MERTK: variants seen among roughly 807,000 people sequenced by gnomAD.
MERTK encodes MER proto-oncogene, tyrosine kinase, also known as tyrosine-protein kinase Mer.
A neutral mutation model predicts 99.3 loss-of-function variants in MERTK; 69 were observed. That is an observed-to-expected ratio of 0.70 (90% confidence interval 0.57 to 0.85). MERTK has a LOEUF of 0.85. Ranked by LOEUF, MERTK falls within the 40% of genes least tolerant of loss-of-function variation. The pLI is 0.00. For synonymous variants in MERTK, 426 were observed against 467.6 expected, an observed-to-expected ratio of 0.91 and a Z score of 1.15; for missense variants, 1,125 against 1,249.4, an observed-to-expected ratio of 0.90 and a Z score of 1.50.
rs532437339 is a variant in MERTK at position 111,930,604 on chromosome 2, G to A, written c.482+1064G>A. The stretch of plus-strand genomic sequence containing the variant: ...GTGCACCGTGGGGCAGGAAGAGATG[G>A]AAAGTCTGTCTCTGGAAATGAGACA... On this transcript the variant is annotated intron_variant, in intron 2 of 18. Transcript: ENST00000295408. The A allele has an allele frequency of 2.0e-5, 3 of 152,372 alleles. No individual in the cohort carries two copies. In the East Asian group the frequency reaches 5.8e-4, roughly 29 times the overall value. 9.4% of individuals were successfully genotyped at this position (152,372 alleles called of 1,614,324 possible).
rs11464692 is a variant in MERTK, at chr2:111,904,379, C to CTT, written c.61+5596_61+5597dup. ...TTTGAGTGTGAACATCCAGAAAATT[C>CTT]TTTTTTTTTTTTTTGAGATGGAATC... On this transcript the variant is annotated intron_variant, in intron 1 of 18. Transcript: ENST00000295408. 2.2e-3 allele frequency among the ~76,000 whole-genome samples: 318 copies of CTT among 144,246 alleles called. 5 individuals carry two copies. In the South Asian group the frequency reaches 0.028, roughly 13 times the overall value. 94.6% of individuals were successfully genotyped at this position (144,246 alleles called of 152,430 possible). A position where few individuals can be genotyped will look rare whatever the true frequency, so the allele number is the denominator to read the frequency against.
chr2:112,002,389 G>A (rs779538935), intron 11 of MERTK, among the ~76,000 whole-genome samples: 2 of 152,104 alleles, frequency 1.3e-5, no homozygotes, highest in East Asian at 1.9e-4. Flanking sequence ...GGTAGGGGAC[G>A]TGTGGTTCTT....
chr2:111,968,107 ATGTG>A (rs113538397), intron 5 of MERTK, 26 bp from the exon 6 acceptor site: 4 of 1,258,014 alleles, frequency 3.2e-6, no homozygotes, highest in Non-Finnish European at 4.6e-6. Flanking sequence ...TTGTGTGTGT[ATGTG>A]TGTGTGTGTG....
intron 8 of MERTK, among the ~76,000 whole-genome samples, chr2:111,989,500 C>T (rs1024664107): frequency 6.6e-6 from 1 of 151,964 alleles, no homozygotes; most frequent in African/African-American, 2.4e-5. Context: ...GGACTACAGG[C>T]GCCCGCCACC....
intron 4 of MERTK, chr2:111,952,099 A>T (rs1215046348): frequency 6.6e-6 from 1 of 152,086 alleles, no homozygotes; most frequent in African/African-American, 2.4e-5. Context: ...TACAACGACC[A>T]CCTATTTTGC....
chr2:111,973,596 C>G (rs2271701), intron 6 of MERTK, among the ~76,000 whole-genome samples: 35,078 of 152,092 alleles, frequency 0.23, 4,356 homozygotes, highest in Middle Eastern at 0.36. Context: ...AACTGCAAGC[C>G]CATTATTAAC....
intron 8 of MERTK, 97 bp from the exon 9 acceptor site, chr2:111,994,154 G>A (rs569885705): frequency 3.2e-5 from 45 of 1,413,896 alleles, no homozygotes; most frequent in South Asian, 2.5e-4. Flanking sequence ...GGCCTCGGAC[G>A]TGGGCGGGAT....
At chr2:111,964,508 C>G (rs1433708693) in intron 4 of MERTK, among the ~76,000 whole-genome samples, 1 of 152,170 alleles carries the variant, frequency 6.6e-6, no homozygotes, top group African/African-American at 2.4e-5. Context: ...AGCCATTTCT[C>G]CAAGGAGCCC....
In MERTK at chr2:111,988,226, C is replaced by G. The variant is rs188431885; in HGVS notation, c.1296+5233C>G. On this transcript the variant is annotated intron_variant, in intron 8 of 18. Coordinates refer to ENST00000295408, the MANE Select transcript of MERTK (RefSeq NM_006343.3). ...ACCGCCTCTTCCTGTCTCCTTTTCT[C>G]CCTCTTTCTCACTGTCAAAGGAGAG... is the stretch of plus-strand genomic sequence containing the variant. Among the ~76,000 whole-genome samples, 435 of 152,260 alleles carry G rather than the reference C, an allele frequency of 2.9e-3. 3 individuals are homozygous for G. Among genetic ancestry groups the G allele is most frequent in the African/African-American group, 6.3e-3 (263 of 41,544 alleles).
At chr2:111,957,464 A>AC (rs537576450) in intron 4 of MERTK, among the ~76,000 whole-genome samples, 52 of 151,076 alleles carry the variant, frequency 3.4e-4, no homozygotes, top group East Asian at 1.8e-3. Context: ...CACCTCTGAT[A>AC]CCCCCCCGCC....
intron 4 of MERTK, among the ~76,000 whole-genome samples, chr2:111,958,647 G>A (rs1443130108): frequency 6.6e-6 from 1 of 152,082 alleles, no homozygotes; most frequent in East Asian, 1.9e-4. Context: ...TAGGACATTT[G>A]CTATAGATTG....
chr2:111,914,413 G>T (rs1382275517), intron 1 of MERTK, among the ~76,000 whole-genome samples: 1 of 152,152 alleles, frequency 6.6e-6, no homozygotes, highest in Non-Finnish European at 1.5e-5. Context: ...AAGTAGCTGG[G>T]ACTGCAGGTG....
intron 4 of MERTK, among the ~76,000 whole-genome samples, 169 bp downstream of exon 4, chr2:111,947,736 G>A (rs959558361): frequency 1.7e-4 from 26 of 152,302 alleles, no homozygotes; most frequent in African/African-American, 6.0e-4. Flanking sequence ...GGAATCACAG[G>A]TGTGAGAATT....
intron 8 of MERTK, among the ~76,000 whole-genome samples, chr2:111,985,975 T>C (rs1172521735): frequency 6.6e-6 from 1 of 152,174 alleles, no homozygotes; most frequent in Non-Finnish European, 1.5e-5. Flanking sequence ...TGCTCAAGCT[T>C]TGTTGTAATC....
At chr2:112,020,016 C>A (rs1169206964) in intron 16 of MERTK, among the ~76,000 whole-genome samples, 2 of 152,236 alleles carry the variant, frequency 1.3e-5, no homozygotes, top group African/African-American at 2.4e-5. Context: ...CCTATTTCTT[C>A]AACCTGCTTC....
chr2:111,924,591 G>A (rs762770511), intron 1 of MERTK, among the ~76,000 whole-genome samples: 2 of 152,076 alleles, frequency 1.3e-5, no homozygotes, highest in Non-Finnish European at 2.9e-5. Context: ...AGTTGCTGGT[G>A]CCAGAATCCC....
chr2:112,010,843 G>T (rs1169016265), intron 15 of MERTK, among the ~76,000 whole-genome samples: 1 of 152,152 alleles, frequency 6.6e-6, no homozygotes, highest in Admixed American at 6.5e-5. Context: ...TAAGCAGGAC[G>T]CCCCTTCCTG....
intron 1 of MERTK, among the ~76,000 whole-genome samples, chr2:111,905,524 C>G (rs1292913950): frequency 2.0e-5 from 3 of 147,408 alleles, no homozygotes; most frequent in Admixed American, 6.9e-5. Context: ...CTGCAGCCTC[C>G]TGGGTTCAAG....
intron 11 of MERTK, among the ~76,000 whole-genome samples, chr2:112,002,334 T>C (rs1014043502): frequency 7.2e-5 from 11 of 152,194 alleles, no homozygotes; most frequent in African/African-American, 2.2e-4. Flanking sequence ...GCTTATTCTC[T>C]AGATGTTTCC....
Sources: allele counts gnomAD v4.1 joint callset (sites outside exome capture counted in the v4.1 genomes callset), GRCh38; gene constraint gnomAD v4.1.1; transcripts MANE v1.5; gene names NCBI Gene and HGNC (gene_info 2026-07-23, HGNC 2026-07-21).